The following TBC1D4 variants were observed in gnomAD, a reference collection of about 807,000 sequenced individuals.
TBC1D4 encodes the protein TBC (Tre-2, BUB2, CDC16) domain-containing protein.
TBC1D4 carries 121 observed loss-of-function variants against 142.5 expected under a neutral mutation model. That is an observed-to-expected ratio of 0.85 (90% CI 0.73 to 0.99). TBC1D4 has a LOEUF of 0.99. Ranked by LOEUF, TBC1D4 falls within the 50% of genes least tolerant of loss-of-function variation. The pLI is 0.00. For missense variants in TBC1D4, 1,475 were observed against 1,606.6 expected, an observed-to-expected ratio of 0.92 and a Z score of 1.40; for synonymous variants, 630 against 628.2, an observed-to-expected ratio of 1.00 and a Z score of -0.04.
At chr13:75,472,089 A>G (rs1330191948) in intron 1 of TBC1D4, among the ~76,000 whole-genome samples, 7 of 141,162 alleles carry the variant, frequency 5.0e-5, no homozygotes, top group African/African-American at 1.9e-4. Context: ...CCTGGGCAAC[A>G]GAGCCAGACT....
intron 4 of TBC1D4, among the ~76,000 whole-genome samples, chr13:75,353,139 A>G (rs1881754483): frequency 6.6e-6 from 1 of 152,170 alleles, no homozygotes; most frequent in Non-Finnish European, 1.5e-5. Flanking sequence ...CAGCCAGTCA[A>G]GTCTGTTGCC....
intron 1 of TBC1D4, among the ~76,000 whole-genome samples, chr13:75,422,786 G>A (rs1886223866): frequency 6.6e-6 from 1 of 152,138 alleles, no homozygotes; most frequent in Admixed American, 6.6e-5. Context: ...AAATGTCACA[G>A]AATATTTGGG....
chr13:75,335,343 C>T (rs1015911873), intron 8 of TBC1D4, among the ~76,000 whole-genome samples: 1 of 152,206 alleles, frequency 6.6e-6, no homozygotes, highest in Non-Finnish European at 1.5e-5. Flanking sequence ...AGCTTGACCT[C>T]ACCTAATAGC....
chr13:75,473,638 T>G (rs1179935304), intron 1 of TBC1D4, among the ~76,000 whole-genome samples: 1 of 152,178 alleles, frequency 6.6e-6, no homozygotes, highest in Admixed American at 6.5e-5. Context: ...GCCAGAAAGA[T>G]TCCATTACTT....
chr13:75,431,567 T>C (rs574898830), intron 1 of TBC1D4, among the ~76,000 whole-genome samples: 8 of 152,324 alleles, frequency 5.3e-5, no homozygotes, highest in East Asian at 1.9e-4. Context: ...GTTTGGTCTG[T>C]TGGGACTAAG....
intron 14 of TBC1D4, among the ~76,000 whole-genome samples, chr13:75,308,699 C>A (rs1877427869): frequency 6.6e-6 from 1 of 152,160 alleles, no homozygotes; most frequent in African/African-American, 2.4e-5. Flanking sequence ...AATATAACTA[C>A]TTGCTTACAA....
chr13:75,323,335 A>G (rs963863237), intron 11 of TBC1D4, among the ~76,000 whole-genome samples: 16 of 152,144 alleles, frequency 1.1e-4, no homozygotes, highest in African/African-American at 2.4e-4. Flanking sequence ...ATAAAAGTGA[A>G]TAAGTCAAGC....
intron 8 of TBC1D4, among the ~76,000 whole-genome samples, chr13:75,328,548 G>A (rs900279507): frequency 2.0e-5 from 3 of 152,072 alleles, no homozygotes; most frequent in Non-Finnish European, 4.4e-5. Flanking sequence ...GGAAGAAACT[G>A]AGGCCAACTA....
intron 1 of TBC1D4, among the ~76,000 whole-genome samples, chr13:75,417,370 C>A (rs1885966036): frequency 6.6e-6 from 1 of 152,166 alleles, no homozygotes; most frequent in East Asian, 1.9e-4. Context: ...TAAGTGCTAC[C>A]TGGGAGGAGT....
rs183804105 is a variant in TBC1D4 at position 75,427,150 on chromosome 13, G to A, written c.498+54120C>T. 3.1e-3 allele frequency among the ~76,000 whole-genome samples: 468 copies of A among 151,186 alleles called. 4 individuals are homozygous for A. The highest frequency in any genetic ancestry group is 9.8e-3 in the African/African-American group (404 of 41,108). ...GTCTCCCAGGCTGGAGTGCAGTGGC[G>A]CGATCTCGCTCACTGCAAGCTCCGC... is the stretch of plus-strand genomic sequence containing the variant. On this transcript the variant is annotated intron_variant, in intron 1 of 20. Coordinates refer to ENST00000377636, the MANE Select transcript of TBC1D4 (RefSeq NM_014832.5).
At position 75,312,795 on chromosome 13, in the gene TBC1D4, T is replaced by C; in HGVS notation, c.2326A>G (p.Ile776Val). ...TPRRISWRQR[I>V]FLRVASPMNK... Reference sequence around the variant, plus strand: ...ATGGGAGAAGCAACCCTGAGGAAAATGCGCTGCCGCCAGGAGATCCGGCGA... The same window carrying C: ...ATGGGAGAAGCAACCCTGAGGAAAACGCGCTGCCGCCAGGAGATCCGGCGA... Residue 776 changes from isoleucine (I) to valine (V), a missense_variant, in exon 13 of 21, where the codon ATT (isoleucine) becomes GTT (valine). Physicochemically the swap from Ile to Val is conservative, Grantham distance 29 (BLOSUM62 3). Transcript: ENST00000377636. The C allele has an allele frequency of 1.9e-6, 3 of 1,614,148 alleles. No individual in the cohort carries two copies. The highest frequency in any genetic ancestry group is 1.1e-5 in the South Asian group (1 of 91,086).
chr13:75,381,597 T>C (rs2138257742), intron 1 of TBC1D4, among the ~76,000 whole-genome samples: 1 of 152,332 alleles, frequency 6.6e-6, no homozygotes, highest in South Asian at 2.1e-4. Context: ...CCACCTTCAG[T>C]TGCTTCCTTA....
rs147070675 is a variant in TBC1D4, at chr13:75,388,349, A to G, written c.499-25742T>C. 7.9e-5 allele frequency among the ~76,000 whole-genome samples: 12 copies of G among 152,284 alleles called. No homozygotes were observed. In the East Asian group the frequency reaches 2.1e-3, roughly 27 times the overall value. ...TAGTTCTGCCTACCACACAACTCAAAAAATTGTGCAAATGCTTTTCCTCTA... is the reference window on the plus strand; with the variant it reads ...TAGTTCTGCCTACCACACAACTCAAGAAATTGTGCAAATGCTTTTCCTCTA... On this transcript the variant is annotated intron_variant, in intron 1 of 20. Transcript: ENST00000377636.
chr13:75,428,705 G>T (rs1228724990), intron 1 of TBC1D4, among the ~76,000 whole-genome samples: 1 of 152,162 alleles, frequency 6.6e-6, no homozygotes, highest in Non-Finnish European at 1.5e-5. Context: ...TGATCATTTT[G>T]AAATGGAATC....
At chr13:75,411,758 G>A (rs983990396) in intron 1 of TBC1D4, among the ~76,000 whole-genome samples, 8 of 151,158 alleles carry the variant, frequency 5.3e-5, no homozygotes, top group African/African-American at 2.0e-4. Context: ...GGCTGGTCTC[G>A]AACTCCTGGC....
chr13:75,445,774 AT>A (rs748458341), intron 1 of TBC1D4, among the ~76,000 whole-genome samples: 9 of 152,260 alleles, frequency 5.9e-5, no homozygotes, highest in Non-Finnish European at 1.0e-4. Flanking sequence ...CCCTAAAAAA[AT>A]GTAAGCAAAT....
intron 4 of TBC1D4, among the ~76,000 whole-genome samples, chr13:75,349,669 T>C (rs987963678): frequency 8.5e-5 from 13 of 152,224 alleles, no homozygotes; most frequent in Admixed American, 2.6e-4. Context: ...TGTCTGCCAC[T>C]TATATGAAAC....
intron 1 of TBC1D4, among the ~76,000 whole-genome samples, chr13:75,397,656 T>A (rs1884866377): frequency 6.6e-6 from 1 of 152,180 alleles, no homozygotes; most frequent in Non-Finnish European, 1.5e-5. Flanking sequence ...GTTTTGTTTT[T>A]CATTTGTTTG....
At chr13:75,417,175 G>GGGCC (rs1885955545) in intron 1 of TBC1D4, among the ~76,000 whole-genome samples, 1 of 152,182 alleles carries the variant, frequency 6.6e-6, no homozygotes, top group South Asian at 2.1e-4. Context: ...CCAAGAGCCA[G>GGGCC]GGCCCACATG....
Sources: gnomAD v4.1 joint callset for allele counts (sites outside exome capture counted in the v4.1 genomes callset) on GRCh38, gnomAD v4.1.1 for gene constraint, MANE v1.5 for transcripts, NCBI Gene and HGNC (gene_info 2026-07-23, HGNC 2026-07-21) for gene names.